ELF4: variants seen among roughly 807,000 people sequenced by gnomAD.
ELF4 encodes the protein ETS-related transcription factor Elf-4.
Under a neutral mutation model 31.7 loss-of-function variants are expected in ELF4, and 10 were observed. The ratio of observed to expected loss-of-function variants is 0.32; its 90% CI spans 0.19 to 0.54. The LOEUF (loss-of-function observed/expected upper bound fraction) is 0.54. ELF4 is among the 20% of genes least tolerant of loss of function. ELF4 has a pLI of 0.95. For missense variants in ELF4, 418 were observed against 522.0 expected, an observed-to-expected ratio of 0.80 and a Z score of 1.94; for synonymous variants, 208 against 226.7, an observed-to-expected ratio of 0.92 and a Z score of 0.74.
chrX:130,082,223 T>C (rs1386137289), intron 1 of ELF4, among the ~76,000 whole-genome samples: 2 of 110,262 alleles, frequency 1.8e-5, no homozygotes, highest in Non-Finnish European at 3.8e-5. Context: ...AGCAGTGGCC[T>C]TACCCTGCTC....
chrX:130,104,886 C>T (rs531454422), intron 1 of ELF4, among the ~76,000 whole-genome samples: 5 of 111,520 alleles, frequency 4.5e-5, no homozygotes, highest in Non-Finnish European at 7.5e-5. Context: ...CGGCTGGGTG[C>T]GGTGGCTCAT....
intron 2 of ELF4, among the ~76,000 whole-genome samples, chrX:130,075,001 C>T (rs1007568427): frequency 1.8e-5 from 2 of 109,659 alleles, no homozygotes; most frequent in Non-Finnish European, 3.8e-5. Flanking sequence ...TAGAGCCTCG[C>T]TCTGTCGCCC....
At position 130,068,694 on chromosome X, in the gene ELF4, A is replaced by G. The variant is rs146904547; in HGVS notation, c.1187+606T>C. Among the ~76,000 whole-genome samples the G allele has an allele frequency of 6.2e-3, 700 of 112,791 alleles. 4 individuals carry two copies. Among genetic ancestry groups the G allele is most frequent in the African/African-American group, 0.021 (648 of 31,050 alleles). Reference sequence around the variant, plus strand: ...AGGTCCCAAGGGGCTCACAGCAGGCAGCTCTAAAACATTCTCTGTTGCTTC... The same window carrying G: ...AGGTCCCAAGGGGCTCACAGCAGGCGGCTCTAAAACATTCTCTGTTGCTTC... On this transcript the variant is annotated intron_variant, in intron 8 of 8. Coordinates refer to ENST00000308167, the MANE Select transcript of ELF4 (RefSeq NM_001421.4).
At chrX:130,102,853 T>A (rs1401229631) in intron 1 of ELF4, among the ~76,000 whole-genome samples, 1 of 58,484 alleles carries the variant, frequency 1.7e-5, no homozygotes, top group Non-Finnish European at 3.0e-5. Flanking sequence ...AAGATAAAGA[T>A]GAGAGAGAGA....
chrX:130,101,248 C>T (rs1230268499), intron 1 of ELF4, among the ~76,000 whole-genome samples: 1 of 112,124 alleles, frequency 8.9e-6, no homozygotes, highest in Non-Finnish European at 1.9e-5. Context: ...TTAAAGAAGC[C>T]TTTTGTTTTC....
At chrX:130,070,432 G>A (rs1046169593) in intron 7 of ELF4, among the ~76,000 whole-genome samples, 8 of 110,252 alleles carry the variant, frequency 7.3e-5, no homozygotes, top group African/African-American at 6.6e-5. Context: ...AAAATTAGCC[G>A]GGCGTGGTGG....
chrX:130,105,853 CCTGT>C (rs1385833980), intron 1 of ELF4, among the ~76,000 whole-genome samples: 18 of 71,842 alleles, frequency 2.5e-4, no homozygotes, highest in East Asian at 1.6e-3. Context: ...TCCCCAGGGG[CCTGT>C]GTGTGTGTGT....
chrX:130,102,624 G>C lies in ELF4; in HGVS notation c.-210+7701C>G, dbSNP rs1464915456. ...AGGCCAGGAGTTCAAGATCAGCCTG[G>C]GCAACATAGTGAGAACATACCTCTA... is the stretch of plus-strand genomic sequence containing the variant. On this transcript the variant is annotated intron_variant, in intron 1 of 8. Coordinates refer to ENST00000308167, the MANE Select transcript of ELF4 (RefSeq NM_001421.4). Among the ~76,000 whole-genome samples, 3 of 104,001 alleles carry C rather than the reference G, an allele frequency of 2.9e-5. 1 individual carries two copies. The Admixed American group carries it at 3.2e-4, about 11-fold the overall frequency. 90.3% of individuals were successfully genotyped at this position (104,001 alleles called of 115,157 possible).
At position 130,110,345 on chromosome X, in the gene ELF4, G is replaced by A. The variant is rs1038187068; in HGVS notation, c.-230C>T. On this transcript the variant is annotated 5_prime_UTR_variant, in exon 1 of 9. Coordinates refer to ENST00000308167, the MANE Select transcript of ELF4 (RefSeq NM_001421.4). Reference sequence around the variant, plus strand: ...CGTACCTGAGGCCGAGTGGCTCACGGGCCCAGCTCGGTCGCCGGGCCGGGG... The same window carrying A: ...CGTACCTGAGGCCGAGTGGCTCACGAGCCCAGCTCGGTCGCCGGGCCGGGG... The A allele has an allele frequency of 9.0e-6, 1 of 110,532 alleles. No homozygotes were observed. Among genetic ancestry groups the A allele is most frequent in the Non-Finnish European group, 1.9e-5 (1 of 52,258 alleles). The allele number at this position is 110,532 out of a possible 1,213,427, so 9.1% of individuals were successfully genotyped here.
At chrX:130,078,777 A>T (rs1932859657) in intron 2 of ELF4, among the ~76,000 whole-genome samples, 2 of 104,690 alleles carry the variant, frequency 1.9e-5, no homozygotes, top group African/African-American at 7.0e-5. Context: ...ACACACACAC[A>T]CACACACACA....
intron 1 of ELF4, among the ~76,000 whole-genome samples, chrX:130,102,867 AG>A: frequency 1.5e-5 from 1 of 68,109 alleles, no homozygotes; most frequent in Admixed American, 1.7e-4. Context: ...AGAGAGAGAG[AG>A]AGAGAGAGAG....
chrX:130,081,327 C>T lies in ELF4; in HGVS notation c.4G>A (p.Ala2Thr). The change falls in exon 2 of 9, where the codon GCT (alanine) becomes ACT (threonine). Residue 2 changes from alanine to threonine, a missense_variant. Ala to Thr is a moderately conservative substitution (Grantham distance 58). Coordinates refer to ENST00000308167, the MANE Select transcript of ELF4 (RefSeq NM_001421.4). MAITLQPSDLIF... is the reference protein window; with the variant it reads MTITLQPSDLIF... ...AGGTCACTGGGCTGTAGGGTAATAGCCATGCTGTCTTTTCAGAGAGCTGAC... is the reference window on the plus strand; with the variant it reads ...AGGTCACTGGGCTGTAGGGTAATAGTCATGCTGTCTTTTCAGAGAGCTGAC... 8.3e-7 allele frequency: 1 copy of T among 1,211,772 alleles called. No homozygotes were observed. The highest frequency in any genetic ancestry group is 1.1e-6 in the Non-Finnish European group (1 of 895,277).
rs147410657 is a variant in ELF4 at position 130,074,106 on chromosome X, C to G, written c.283G>C (p.Ala95Pro). The G allele has an allele frequency of 1.7e-6, 2 of 1,209,820 alleles. No individual in the cohort carries two copies. Among genetic ancestry groups the G allele is most frequent in the Admixed American group, 2.2e-5 (1 of 45,694 alleles). Residue 95 changes from alanine to proline, a missense_variant, in exon 4 of 9, where the codon GCG (alanine) becomes CCG (proline). Around this residue, in one of 4 missense-constraint regions of ELF4, gnomAD observed 88 missense variants for 92.4 expected, o/e 0.95. Coordinates refer to ENST00000308167, the MANE Select transcript of ELF4 (RefSeq NM_001421.4). ...GACTCCATATTGAGTAAGACTTCCGCGGTTGACATGGTGTGCGAGGTGGCC... is the reference window on the plus strand; with the variant it reads ...GACTCCATATTGAGTAAGACTTCCGGGGTTGACATGGTGTGCGAGGTGGCC... Reference protein sequence around the residue: ...NEATSHTMSTAEVLLNMESPS... With the variant: ...NEATSHTMSTPEVLLNMESPS...
Position 130,092,568 on chromosome X carries a change from A to T in ELF4, c.-209-11029T>A, listed in dbSNP as rs775509876. Among the ~76,000 whole-genome samples, 5 of 112,447 alleles carry T rather than the reference A, an allele frequency of 4.4e-5. No individual in the cohort carries two copies. In the South Asian group the frequency reaches 1.5e-3, roughly 33 times the overall value. ...TCCACAAACCCTCTCCTACTACCAG[A>T]TGAGTAGAAATGACTTTATCACTTT... On this transcript the variant is annotated intron_variant, in intron 1 of 8. Transcript: ENST00000308167.
intron 1 of ELF4, among the ~76,000 whole-genome samples, chrX:130,082,970 G>C (rs5977205): frequency 9.0e-6 from 1 of 110,565 alleles, no homozygotes; most frequent in African/African-American, 3.3e-5. Flanking sequence ...AGGGGCAAAG[G>C]GGAGGAAAGG....
intron 4 of ELF4, among the ~76,000 whole-genome samples, chrX:130,073,712 G>A (rs973871778): frequency 1.8e-5 from 2 of 110,178 alleles, no homozygotes; most frequent in South Asian, 3.8e-4. Context: ...GGGTTTCACC[G>A]TGTTGGTCAG....
At chrX:130,070,935 T>G in intron 7 of ELF4, 105 bp downstream of exon 7, 4 of 1,090,159 alleles carry the variant, frequency 3.7e-6, no homozygotes, top group Non-Finnish European at 5.1e-6. Context: ...ACTCGTTTCC[T>G]TAGGATCAAT....
chrX:130,077,829 A>AT (rs1264919410), intron 2 of ELF4, among the ~76,000 whole-genome samples: 1 of 112,115 alleles, frequency 8.9e-6, no homozygotes, highest in Non-Finnish European at 1.9e-5. Flanking sequence ...CTAAGCTCTC[A>AT]TTAAGTGTTA....
At chrX:130,068,312 T>G (rs1399835651) in intron 8 of ELF4, among the ~76,000 whole-genome samples, 2 of 112,158 alleles carry the variant, frequency 1.8e-5, no homozygotes, top group Non-Finnish European at 3.8e-5. Flanking sequence ...ACCTATGTTA[T>G]CCTTTGATTT....
Sources: gnomAD v4.1 joint callset for allele counts (sites outside exome capture counted in the v4.1 genomes callset) on GRCh38, gnomAD v4.1.1 for gene constraint, gnomAD v4.1.1 regional missense constraint, MANE v1.5 for transcripts, NCBI Gene and HGNC (gene_info 2026-07-23, HGNC 2026-07-21) for gene names.